The following ERO1B variants were observed in gnomAD, a reference collection of about 807,000 sequenced individuals.
ERO1B encodes the protein endoplasmic reticulum oxidoreductase 1 beta.
A neutral mutation model predicts 75.3 loss-of-function variants in ERO1B; 49 were observed. The observed-to-expected ratio is 0.65, with a 90% CI of 0.52 to 0.83. The LOEUF is 0.83. Ranked by LOEUF, ERO1B falls within the 40% of genes least tolerant of loss-of-function variation. The probability of loss-of-function intolerance (pLI) is 0.00; values close to 1 mark genes in which losing one functional copy is unlikely to be tolerated. For synonymous variants in ERO1B, 191 were observed against 192.9 expected (o/e 0.99, Z 0.08); for missense variants, 512 against 560.1 (o/e 0.91, Z 0.87).
rs116878941 is a variant in ERO1B at position 236,231,720 on chromosome 1, G to A, written c.685+1108C>T. On this transcript the variant is annotated intron_variant, in intron 9 of 15. Coordinates refer to ENST00000354619, the MANE Select transcript of ERO1B (RefSeq NM_019891.4). ...TAAGGAGTCTAGGGATAAACTAGACGGTGGGGAATTACTTTGCCTCCTGAG... is the reference window on the plus strand; with the variant it reads ...TAAGGAGTCTAGGGATAAACTAGACAGTGGGGAATTACTTTGCCTCCTGAG... Among the ~76,000 whole-genome samples the A allele has an allele frequency of 9.8e-3, 1,498 of 152,120 alleles. 33 individuals are homozygous for A. The highest frequency in any genetic ancestry group is 0.048 in the Admixed American group (730 of 15,292).
intron 6 of ERO1B, among the ~76,000 whole-genome samples, chr1:236,241,701 A>C (rs71642839): frequency 0.24 from 36,754 of 151,922 alleles, 4,629 homozygotes; most frequent in East Asian, 0.38. Context: ...TGAAAATCTT[A>C]AGGGGATGAT....
rs991923614 is a variant in ERO1B, at chr1:236,220,713, C to T, written c.1343+119G>A. 1.6e-5 allele frequency: 16 copies of T among 1,020,166 alleles called. No homozygotes were observed. The Admixed American group carries it at 3.8e-4, about 24-fold the overall frequency. The allele number at this position is 1,020,166 out of a possible 1,614,324, so 63.2% of individuals were successfully genotyped here. On this transcript the variant is annotated intron_variant, in intron 15 of 15. Transcript: ENST00000354619. ...AGGCCTCTCTAAGTTAGTACAGATA[C>T]AATATAAAATTTTTTTTTGTCAACA...
Position 236,281,854 on chromosome 1 carries a change from G to T in ERO1B, c.-71C>A, listed in dbSNP as rs1482623172. 5 of 1,144,522 alleles carry T rather than the reference G, an allele frequency of 4.4e-6. No homozygotes were observed. Among genetic ancestry groups the T allele is most frequent in the Admixed American group, 6.9e-5 (2 of 28,810 alleles). The allele number at this position is 1,144,522 out of a possible 1,614,324, so 70.9% of individuals were successfully genotyped here. On this transcript the variant is annotated 5_prime_UTR_variant, in exon 1 of 16. Coordinates refer to ENST00000354619, the MANE Select transcript of ERO1B (RefSeq NM_019891.4). Reference sequence around the variant, plus strand: ...GGGAACGACGGGCGGCCCAGGCGACGACCCAAGGGGACGGTTCCCAGCGGC... The same window carrying T: ...GGGAACGACGGGCGGCCCAGGCGACTACCCAAGGGGACGGTTCCCAGCGGC...
rs572777519 is a variant in ERO1B, at chr1:236,247,799, C to T, written c.431+2086G>A. Among the ~76,000 whole-genome samples the T allele has an allele frequency of 6.7e-4, 102 of 152,282 alleles. 1 individual carries two copies. Among genetic ancestry groups the T allele is most frequent in the Middle Eastern group, 6.8e-3 (2 of 292 alleles). On this transcript the variant is annotated intron_variant, in intron 5 of 15. Transcript: ENST00000354619. ...TACATTGGTCTTATTGTGTTTAAGT[C>T]TAGGCATGATCCTGCCATGGGGGTT...
intron 6 of ERO1B, among the ~76,000 whole-genome samples, chr1:236,242,501 C>T (rs915249760): frequency 1.3e-5 from 2 of 152,034 alleles, no homozygotes; most frequent in African/African-American, 4.8e-5. Flanking sequence ...GATAACATTC[C>T]ATCTCCCAGT....
chr1:236,228,271 GGA>G (rs1334413659), intron 10 of ERO1B, among the ~76,000 whole-genome samples: 2 of 152,090 alleles, frequency 1.3e-5, no homozygotes, highest in Non-Finnish European at 2.9e-5. Flanking sequence ...ATAAGTGAGG[GGA>G]GAGGAATAGA....
At chr1:236,280,975 T>C (rs1665816379) in intron 1 of ERO1B, among the ~76,000 whole-genome samples, 2 of 152,062 alleles carry the variant, frequency 1.3e-5, no homozygotes, top group Admixed American at 6.5e-5. Flanking sequence ...TAATCATCGC[T>C]TCACATCAAC....
At chr1:236,263,202 A>C (rs948027414) in intron 2 of ERO1B, among the ~76,000 whole-genome samples, 11 of 152,060 alleles carry the variant, frequency 7.2e-5, no homozygotes, top group Non-Finnish European at 1.6e-4. Context: ...CTAACCTGTG[A>C]CAACTTGTCT....
At chr1:236,261,968 C>CA (rs1665303454) in intron 2 of ERO1B, among the ~76,000 whole-genome samples, 1 of 142,396 alleles carries the variant, frequency 7.0e-6, no homozygotes, top group South Asian at 2.2e-4. Flanking sequence ...AACAAACAAA[C>CA]AAAAAAAGAA....
intron 6 of ERO1B, among the ~76,000 whole-genome samples, chr1:236,242,766 A>G (rs929186697): frequency 2.0e-5 from 3 of 152,170 alleles, no homozygotes; most frequent in Admixed American, 6.5e-5. Context: ...ATTTATGCCT[A>G]CTCAGCACAA....
In ERO1B at chr1:236,243,782, T is replaced by C. The variant is rs1043504721; in HGVS notation, c.432-287A>G. Among the ~76,000 whole-genome samples the C allele has an allele frequency of 2.0e-5, 3 of 152,148 alleles. No individual in the cohort carries two copies. The Middle Eastern group carries it at 9.5e-3, about 481-fold the overall frequency. On this transcript the variant is annotated intron_variant, in intron 5 of 15. Transcript: ENST00000354619. ...AATTAATTTGTAAATACATATAACA[T>C]GTAGTTAAACACAAAACTCAAGCTA...
chr1:236,263,141 A>G (rs769164862), intron 2 of ERO1B, among the ~76,000 whole-genome samples: 7 of 152,060 alleles, frequency 4.6e-5, no homozygotes, highest in Non-Finnish European at 8.8e-5. Flanking sequence ...GTATACCCTA[A>G]CTAAGCTCTT....
chr1:236,276,785 T>C (rs1433727953), intron 1 of ERO1B, among the ~76,000 whole-genome samples: 1 of 152,232 alleles, frequency 6.6e-6, no homozygotes, highest in Non-Finnish European at 1.5e-5. Context: ...GATGAAAAGA[T>C]AACTTTAAAA....
chr1:236,273,770 C>T (rs972669386), intron 1 of ERO1B, among the ~76,000 whole-genome samples: 5 of 147,608 alleles, frequency 3.4e-5, no homozygotes, highest in Non-Finnish European at 5.9e-5. Context: ...CACACCACTG[C>T]ACTCCAGCTT....
intron 2 of ERO1B, among the ~76,000 whole-genome samples, chr1:236,261,843 G>T (rs968423665): frequency 6.6e-6 from 1 of 152,154 alleles, no homozygotes; most frequent in Non-Finnish European, 1.5e-5. Flanking sequence ...AAGCAGAGGT[G>T]GGAGGATCAG....
In ERO1B at chr1:236,239,214, T is replaced by G. The variant is rs568315940; in HGVS notation, c.506-2816A>C. Among the ~76,000 whole-genome samples the G allele has an allele frequency of 2.0e-5, 3 of 152,186 alleles. No individual in the cohort carries two copies. In the South Asian group the frequency reaches 6.2e-4, roughly 32 times the overall value. ...ATACTTTTTCAAATCATGAAAAGAGTGGGTTTTGTTAACCTATACAAGGAG... is the reference window on the plus strand; with the variant it reads ...ATACTTTTTCAAATCATGAAAAGAGGGGGTTTTGTTAACCTATACAAGGAG... On this transcript the variant is annotated intron_variant, in intron 6 of 15. Transcript: ENST00000354619.
chr1:236,217,707 A>G lies in ERO1B; in HGVS notation c.*809T>C, dbSNP rs1664028239. On this transcript the variant is annotated 3_prime_UTR_variant, in exon 16 of 16. Transcript: ENST00000354619. Reference sequence around the variant, plus strand: ...TCTAAAAGTAACTGACAATTTCCAAAATGTCTTTGTCCCTAAAATTTCTAG... The same window carrying G: ...TCTAAAAGTAACTGACAATTTCCAAGATGTCTTTGTCCCTAAAATTTCTAG... The G allele has an allele frequency of 6.6e-6, 1 of 152,492 alleles. No individual in the cohort carries two copies. Among genetic ancestry groups the G allele is most frequent in the African/African-American group, 2.4e-5 (1 of 41,452 alleles). 9.4% of individuals were successfully genotyped at this position (152,492 alleles called of 1,614,324 possible). A position where few individuals can be genotyped will look rare whatever the true frequency, so the allele number is the denominator to read the frequency against.
intron 5 of ERO1B, among the ~76,000 whole-genome samples, chr1:236,244,830 C>T (rs1664800616): frequency 6.7e-6 from 1 of 150,060 alleles, no homozygotes; most frequent in South Asian, 2.1e-4. Flanking sequence ...TTCCAAATGT[C>T]AGTTTGAAGA....
chr1:236,266,619 A>G (rs1260782358), intron 2 of ERO1B, among the ~76,000 whole-genome samples: 1 of 152,044 alleles, frequency 6.6e-6, no homozygotes, highest in Non-Finnish European at 1.5e-5. Context: ...AAAAAAAATT[A>G]AAATTAAAAA....
Sources: allele counts gnomAD v4.1 joint callset (sites outside exome capture counted in the v4.1 genomes callset), GRCh38; gene constraint gnomAD v4.1.1; transcripts MANE v1.5; gene names NCBI Gene and HGNC (gene_info 2026-07-23, HGNC 2026-07-21).